The following IFT80 variants were observed in gnomAD, a reference collection of about 807,000 sequenced individuals.
IFT80 encodes the protein intraflagellar transport protein 80 homolog.
In IFT80, 79 loss-of-function variants were observed where a neutral mutation model predicts 107.9. The ratio of observed to expected loss-of-function variants is 0.73; its 90% CI spans 0.61 to 0.88. The LOEUF (loss-of-function observed/expected upper bound fraction) is 0.88. Among genes scored for constraint, IFT80 ranks in the 40% least tolerant of loss-of-function variants. The probability of loss-of-function intolerance (pLI) is 0.00; values close to 1 mark genes in which losing one functional copy is unlikely to be tolerated. For missense variants in IFT80, 797 were observed against 914.2 expected (o/e 0.87, Z 1.65); for synonymous variants, 299 against 300.9 (o/e 0.99, Z 0.07).
chr3:160,281,128 C>G (rs1036817003), intron 14 of IFT80, among the ~76,000 whole-genome samples: 1 of 152,140 alleles, frequency 6.6e-6, no homozygotes, highest in African/African-American at 2.4e-5. Context: ...CCAGATGATC[C>G]TCAGTGAGGA....
chr3:160,316,162 C>A (rs1717802682), intron 9 of IFT80, among the ~76,000 whole-genome samples: 1 of 152,112 alleles, frequency 6.6e-6, no homozygotes, highest in Non-Finnish European at 1.5e-5. Flanking sequence ...TTCCTGCTTG[C>A]TCTGCTAAAG....
At chr3:160,359,707 C>T (rs1055635159) in intron 6 of IFT80, among the ~76,000 whole-genome samples, 8 of 152,302 alleles carry the variant, frequency 5.3e-5, no homozygotes, top group Non-Finnish European at 8.8e-5. Flanking sequence ...GATACCCAGG[C>T]AAACGGCCTG....
rs142101228 is a variant in IFT80 at position 160,365,712 on chromosome 3, G to T, written c.549+331C>A. Among the ~76,000 whole-genome samples the T allele has an allele frequency of 5.7e-3, 872 of 152,064 alleles. 14 individuals are homozygous for T. The highest frequency in any genetic ancestry group is 0.016 in the African/African-American group (646 of 41,500). Reference sequence around the variant, plus strand: ...CTCATCTCTTAGTTGAGATATTGAAGGCTGACATTCAACAATATTTTATAA... The same window carrying T: ...CTCATCTCTTAGTTGAGATATTGAATGCTGACATTCAACAATATTTTATAA... On this transcript the variant is annotated intron_variant, in intron 6 of 19. Transcript: ENST00000326448.
At chr3:160,338,053 T>C (rs866402330) in intron 8 of IFT80, among the ~76,000 whole-genome samples, 1 of 152,168 alleles carries the variant, frequency 6.6e-6, no homozygotes, top group African/African-American at 2.4e-5. Flanking sequence ...CTATCAAAAC[T>C]TTTTATCTCT....
rs370855193 is a variant in IFT80 at position 160,289,526 on chromosome 3, G to A, written c.1316-3658C>T. On this transcript the variant is annotated intron_variant, in intron 12 of 19. Coordinates refer to ENST00000326448, the MANE Select transcript of IFT80 (RefSeq NM_020800.3). ...ACGCTGATGGGGGTAAAATGAAAGG[G>A]AAAGAGAAAGGGGAGAGTCAAGGGA... is the stretch of plus-strand genomic sequence containing the variant. Among the ~76,000 whole-genome samples, 3 of 152,288 alleles carry A rather than the reference G, an allele frequency of 2.0e-5. No homozygotes were observed. The South Asian group carries it at 6.2e-4, about 32-fold the overall frequency.
intron 8 of IFT80, among the ~76,000 whole-genome samples, chr3:160,325,676 C>A (rs1482700771): frequency 6.6e-6 from 1 of 152,034 alleles, no homozygotes; most frequent in Non-Finnish European, 1.5e-5. Context: ...AAAAAGATAT[C>A]TTGAGAATGA....
intron 2 of IFT80, chr3:160,383,401 A>G (rs1430107567): frequency 3.4e-6 from 3 of 874,344 alleles, no homozygotes; most frequent in African/African-American, 3.6e-5. Flanking sequence ...TAATAGTTAA[A>G]TAAGCAAACA....
At chr3:160,353,849 G>A (rs1720879679) in intron 8 of IFT80, among the ~76,000 whole-genome samples, 1 of 151,562 alleles carries the variant, frequency 6.6e-6, no homozygotes, top group Non-Finnish European at 1.5e-5. Flanking sequence ...CTGATGAGTA[G>A]TATATATTTA....
At chr3:160,321,707 T>C (rs1274430639) in intron 8 of IFT80, among the ~76,000 whole-genome samples, 1 of 151,984 alleles carries the variant, frequency 6.6e-6, no homozygotes, top group Non-Finnish European at 1.5e-5. Flanking sequence ...GTGGTCTCTA[T>C]TTCTGGAAAT....
chr3:160,311,775 G>A (rs557011848), intron 9 of IFT80, among the ~76,000 whole-genome samples: 115 of 152,150 alleles, frequency 7.6e-4, no homozygotes, highest in Non-Finnish European at 1.3e-3. Flanking sequence ...GTCAGGTGTT[G>A]TTTTTTGTTT....
At chr3:160,336,477 T>C (rs1719470527) in intron 8 of IFT80, among the ~76,000 whole-genome samples, 1 of 152,134 alleles carries the variant, frequency 6.6e-6, no homozygotes, top group Admixed American at 6.5e-5. Flanking sequence ...ATACAAAATA[T>C]AGTCAAATAA....
chr3:160,387,701 A>G (rs1713048321), intron 1 of IFT80, among the ~76,000 whole-genome samples: 1 of 152,202 alleles, frequency 6.6e-6, no homozygotes. Flanking sequence ...AATGAGATAT[A>G]ATACAGTAAG....
intron 5 of IFT80, among the ~76,000 whole-genome samples, chr3:160,371,631 TG>T (rs1372893222): frequency 6.6e-6 from 1 of 152,064 alleles, no homozygotes; most frequent in African/African-American, 2.4e-5. Context: ...TTTGTACAGA[TG>T]GGGTTTTCCC....
At chr3:160,352,751 C>A (rs919565228) in intron 8 of IFT80, among the ~76,000 whole-genome samples, 1 of 152,116 alleles carries the variant, frequency 6.6e-6, no homozygotes, top group African/African-American at 2.4e-5. Context: ...GGGCATTATC[C>A]TCAGGCAAAC....
intron 2 of IFT80, chr3:160,384,351 T>C (rs1231021443): frequency 6.9e-6 from 8 of 1,152,198 alleles, no homozygotes; most frequent in Non-Finnish European, 7.5e-6. Flanking sequence ...AAAACGTCAG[T>C]AAGAATTTTA....
chr3:160,362,520 G>A (rs1193015316), intron 6 of IFT80, among the ~76,000 whole-genome samples: 1 of 152,154 alleles, frequency 6.6e-6, no homozygotes, highest in Non-Finnish European at 1.5e-5. Flanking sequence ...CTCATTTTAT[G>A]AGGCCAGCAT....
At chr3:160,321,072 G>A (rs1718177577) in intron 8 of IFT80, among the ~76,000 whole-genome samples, 1 of 151,786 alleles carries the variant, frequency 6.6e-6, no homozygotes, top group Non-Finnish European at 1.5e-5. Flanking sequence ...TTACCAAGGA[G>A]AAGATAATGA....
Position 160,372,956 on chromosome 3 carries a change from A to C in IFT80, c.439+2856T>G, listed in dbSNP as rs1711645240. On this transcript the variant is annotated intron_variant, in intron 5 of 19. Transcript: ENST00000326448. ...TCTAAAATAAACACTGCACACAAAA[A>C]CCAACTCAAAATGAATCACAGACCA... Among the ~76,000 whole-genome samples, 2 of 152,170 alleles carry C rather than the reference A, an allele frequency of 1.3e-5. 1 individual carries two copies. Among genetic ancestry groups the C allele is most frequent in the South Asian group, 4.1e-4 (2 of 4,826 alleles).
intron 9 of IFT80, among the ~76,000 whole-genome samples, chr3:160,313,057 TA>T (rs1717527452): frequency 4.0e-5 from 4 of 101,076 alleles, no homozygotes; most frequent in Non-Finnish European, 7.4e-5. Flanking sequence ...ATAATAAATA[TA>T]ATATATATTA....
Sources: gnomAD v4.1 joint callset for allele counts (sites outside exome capture counted in the v4.1 genomes callset) on GRCh38, gnomAD v4.1.1 for gene constraint, MANE v1.5 for transcripts, NCBI Gene and HGNC (gene_info 2026-07-23, HGNC 2026-07-21) for gene names.